ACSS3: variants seen among roughly 807,000 people sequenced by gnomAD.
ACSS3 encodes the protein acyl-CoA synthetase short-chain family member 3, mitochondrial.
In ACSS3, 64 loss-of-function variants were observed where a neutral mutation model predicts 84.2. That is an observed-to-expected ratio of 0.76 (90% CI 0.62 to 0.94). The LOEUF (loss-of-function observed/expected upper bound fraction) is 0.94. Ranked by LOEUF, ACSS3 falls within the 40% of genes least tolerant of loss-of-function variation. The probability of loss-of-function intolerance (pLI) is 0.00; values close to 1 mark genes in which losing one functional copy is unlikely to be tolerated. For synonymous variants in ACSS3, 317 were observed against 310.1 expected, an observed-to-expected ratio of 1.02 and a Z score of -0.23; for missense variants, 815 against 867.6, an observed-to-expected ratio of 0.94 and a Z score of 0.76.
chr12:81,208,247 A>G (rs1209239058), intron 9 of ACSS3, among the ~76,000 whole-genome samples: 2 of 152,164 alleles, frequency 1.3e-5, no homozygotes, highest in Non-Finnish European at 2.9e-5. Flanking sequence ...CACTCGCAGC[A>G]TGGACTACCG....
At chr12:81,133,872 T>A (rs922354611) in intron 2 of ACSS3, among the ~76,000 whole-genome samples, 3 of 152,098 alleles carry the variant, frequency 2.0e-5, no homozygotes, top group Middle Eastern at 3.2e-3. Flanking sequence ...TTAATATATA[T>A]ATTTTAAGTA....
chr12:81,199,253 G>A (rs1488218341), intron 8 of ACSS3, 88 bp from the exon 9 acceptor site: 16 of 1,119,590 alleles, frequency 1.4e-5, no homozygotes, highest in Non-Finnish European at 1.9e-5. Context: ...GACATAATGA[G>A]TGTGGTTAAC....
intron 9 of ACSS3, among the ~76,000 whole-genome samples, chr12:81,207,201 C>A (rs1456060995): frequency 3.9e-5 from 6 of 152,098 alleles, no homozygotes; most frequent in Non-Finnish European, 8.8e-5. Flanking sequence ...TTCACAAGAG[C>A]AAGAGTTATC....
Position 81,259,763 on chromosome 12 carries a change from G to A in ACSS3, c.*4841G>A, listed in dbSNP as rs540686423. 8.2e-5 allele frequency: 75 copies of A among 914,694 alleles called. No homozygotes were observed. The South Asian group carries it at 1.2e-3, about 15-fold the overall frequency. The allele number at this position is 914,694 out of a possible 1,614,324, so 56.7% of individuals were successfully genotyped here. A position where few individuals can be genotyped will look rare whatever the true frequency, so the allele number is the denominator to read the frequency against. On this transcript the variant is annotated 3_prime_UTR_variant, in exon 16 of 16. Transcript: ENST00000548058. Reference sequence around the variant, plus strand: ...ACCTCCACGCAGCCTGCTTACTCCTGTCCTAGAAGATCATGAGAAGGAAAT... The same window carrying A: ...ACCTCCACGCAGCCTGCTTACTCCTATCCTAGAAGATCATGAGAAGGAAAT...
chr12:81,208,192 A>C (rs551848748), intron 9 of ACSS3, among the ~76,000 whole-genome samples: 1 of 152,160 alleles, frequency 6.6e-6, no homozygotes, highest in Admixed American at 6.6e-5. Context: ...GATTAATATG[A>C]TTCAGCAGTA....
Position 81,102,045 on chromosome 12 carries a change from GCA to G in ACSS3, c.312-7492_312-7491del, listed in dbSNP as rs68004924. The stretch of plus-strand genomic sequence containing the variant: ...ATATTCTCTTCTATTTTATGCACAC[GCA>G]CACACACACACACACACACACATAT... On this transcript the variant is annotated intron_variant, in intron 1 of 15. Transcript: ENST00000548058. 3.0e-3 allele frequency among the ~76,000 whole-genome samples: 444 copies of G among 149,134 alleles called. 5 individuals carry two copies. The highest frequency in any genetic ancestry group is 7.0e-3 in the African/African-American group (285 of 40,570).
chr12:81,197,796 A>G (rs2031906771), intron 8 of ACSS3, among the ~76,000 whole-genome samples: 1 of 152,012 alleles, frequency 6.6e-6, no homozygotes, highest in Non-Finnish European at 1.5e-5. Context: ...ACTTCTAGTC[A>G]TTTACCTCAC....
At chr12:81,122,131 C>T (rs967237343) in intron 2 of ACSS3, among the ~76,000 whole-genome samples, 1 of 151,968 alleles carries the variant, frequency 6.6e-6, no homozygotes, top group Non-Finnish European at 1.5e-5. Flanking sequence ...TAGGGTTTCA[C>T]CATGTTGGTC....
chr12:81,222,812 T>G (rs2033154408), intron 11 of ACSS3, among the ~76,000 whole-genome samples: 1 of 152,054 alleles, frequency 6.6e-6, no homozygotes, highest in South Asian at 2.1e-4. Flanking sequence ...TAAAAAGGAA[T>G]CCTGCAATTT....
intron 9 of ACSS3, among the ~76,000 whole-genome samples, chr12:81,214,303 G>A (rs2032817355): frequency 6.6e-6 from 1 of 152,010 alleles, no homozygotes. Flanking sequence ...TGGAATTACA[G>A]GCATGAGCCA....
chr12:81,148,166 A>T (rs1018789988), intron 5 of ACSS3, among the ~76,000 whole-genome samples: 1 of 152,104 alleles, frequency 6.6e-6, no homozygotes, highest in African/African-American at 2.4e-5. Context: ...CATTAAAAAA[A>T]AAAACTTATA....
At position 81,078,267 on chromosome 12, in the gene ACSS3, G is replaced by T; in HGVS notation, c.147G>T (p.Arg49=). The change falls in exon 1 of 16, where the codon CGG becomes CGT. Residue 49 remains arginine (R), a synonymous_variant. Transcript: ENST00000548058. The part of the protein sequence containing the change: ...VPGPRGGLGG[R]GCRALSSGSG... The stretch of plus-strand genomic sequence containing the variant: ...GCCCGCGGGGCGGTCTCGGGGGCCG[G>T]GGATGCAGGGCACTGTCCTCCGGCA... The T allele has an allele frequency of 1.2e-6, 2 of 1,610,454 alleles. No individual in the cohort carries two copies. Among genetic ancestry groups the T allele is most frequent in the Non-Finnish European group, 8.5e-7 (1 of 1,179,742 alleles).
At chr12:81,170,385 T>G (rs1039087747) in intron 7 of ACSS3, among the ~76,000 whole-genome samples, 7 of 152,170 alleles carry the variant, frequency 4.6e-5, no homozygotes, top group African/African-American at 1.7e-4. Flanking sequence ...CTGTGCTTTG[T>G]ACCATTGTTA....
At chr12:81,188,691 A>G (rs1285542143) in intron 8 of ACSS3, among the ~76,000 whole-genome samples, 1 of 152,134 alleles carries the variant, frequency 6.6e-6, no homozygotes, top group Non-Finnish European at 1.5e-5. Flanking sequence ...TTTGCGCGTC[A>G]AAGTGGTTCT....
intron 2 of ACSS3, among the ~76,000 whole-genome samples, chr12:81,111,431 G>A (rs764090888): frequency 4.6e-5 from 7 of 152,198 alleles, no homozygotes; most frequent in Non-Finnish European, 1.0e-4. Context: ...GCCACTGGTG[G>A]CAGGCTGGGC....
chr12:81,244,781 G>T (rs552919598), intron 13 of ACSS3, among the ~76,000 whole-genome samples: 3 of 152,172 alleles, frequency 2.0e-5, no homozygotes, highest in Non-Finnish European at 4.4e-5. Context: ...ATTGCAAGTT[G>T]TCTACTTTTT....
At chr12:81,122,088 A>G (rs1347041781) in intron 2 of ACSS3, among the ~76,000 whole-genome samples, 3 of 151,860 alleles carry the variant, frequency 2.0e-5, no homozygotes, top group Non-Finnish European at 4.4e-5. Flanking sequence ...GCGTGGCACT[A>G]CACCTAGCTA....
chr12:81,173,553 A>C (rs2030238101), intron 7 of ACSS3, among the ~76,000 whole-genome samples: 3 of 152,206 alleles, frequency 2.0e-5, no homozygotes, highest in Non-Finnish European at 4.4e-5. Flanking sequence ...CTAATCAATG[A>C]GTATTGAATC....
At chr12:81,227,834 C>G (rs946845540) in intron 11 of ACSS3, among the ~76,000 whole-genome samples, 1 of 151,760 alleles carries the variant, frequency 6.6e-6, no homozygotes, top group Admixed American at 6.6e-5. Flanking sequence ...CTGCTTTTAT[C>G]CTTTCACTAT....
Sources: allele counts gnomAD v4.1 joint callset (sites outside exome capture counted in the v4.1 genomes callset), GRCh38; gene constraint gnomAD v4.1.1; transcripts MANE v1.5; gene names NCBI Gene and HGNC (gene_info 2026-07-23, HGNC 2026-07-21).